WWOX: variants seen among roughly 807,000 people sequenced by gnomAD.
WWOX encodes WW domain-containing oxidoreductase.
A neutral mutation model predicts 46.2 loss-of-function variants in WWOX; 69 were observed. The ratio of observed to expected loss-of-function variants is 1.49; its 90% CI spans 1.23 to 1.82. The LOEUF (loss-of-function observed/expected upper bound fraction) is 1.82. Among genes scored for constraint, WWOX ranks in the 40% most tolerant of loss-of-function variants. The pLI, the probability that WWOX is intolerant of heterozygous loss-of-function variation, is 0.00. For synonymous variants in WWOX, 359 were observed against 202.6 expected (o/e 1.77, Z -6.56); for missense variants, 919 against 542.6 (o/e 1.69, Z -6.89).
chr16:78,832,089 G>A (rs1046798988), intron 8 of WWOX, among the ~76,000 whole-genome samples: 1 of 152,182 alleles, frequency 6.6e-6, no homozygotes, highest in Admixed American at 6.5e-5. Context: ...TCAGGAATTA[G>A]GGAGTGGCTT....
At chr16:78,756,911 G>C (rs1567539547) in intron 8 of WWOX, 2 of 703,000 alleles carry the variant, frequency 2.8e-6, no homozygotes, top group Non-Finnish European at 2.6e-6. Flanking sequence ...TGAGGCTTCT[G>C]CCTTACTGAT....
chr16:78,501,039 T>C lies in WWOX; in HGVS notation c.1056+68287T>C, dbSNP rs1597173589. On this transcript the variant is annotated intron_variant, in intron 8 of 8. Coordinates refer to ENST00000566780, the MANE Select transcript of WWOX (RefSeq NM_016373.4). ...GGGTGCAGGTGGAGGAGGCTATTAT[T>C]CTTAGGCATTTAACAGTGAAGAATG... Among the ~76,000 whole-genome samples the C allele has an allele frequency of 5.3e-5, 8 of 152,206 alleles. 1 individual carries two copies.
intron 8 of WWOX, among the ~76,000 whole-genome samples, chr16:78,990,612 A>G (rs76924845): frequency 1.3e-5 from 2 of 152,298 alleles, no homozygotes; most frequent in South Asian, 4.1e-4. Flanking sequence ...AAGATGGTAG[A>G]GCGAACAGGC....
chr16:78,580,493 G>C (rs765921824), intron 8 of WWOX, among the ~76,000 whole-genome samples: 7 of 152,196 alleles, frequency 4.6e-5, no homozygotes, highest in Non-Finnish European at 7.3e-5. Flanking sequence ...ACTCCTGGCA[G>C]ATGCCCAGAG....
intron 8 of WWOX, among the ~76,000 whole-genome samples, chr16:78,834,004 T>G (rs1278771563): frequency 6.6e-6 from 1 of 151,802 alleles, no homozygotes; most frequent in Non-Finnish European, 1.5e-5. Context: ...ATTTGGAACA[T>G]TTCAGCTGAA....
At chr16:78,829,153 C>CAGACAGATAGCT (rs2051744069) in intron 8 of WWOX, among the ~76,000 whole-genome samples, 1 of 151,952 alleles carries the variant, frequency 6.6e-6, no homozygotes, top group Non-Finnish European at 1.5e-5. Flanking sequence ...GACAGATAGG[C>CAGACAGATAGCT]AGACAGATAG....
At chr16:78,588,715 G>C (rs1286649844) in intron 8 of WWOX, among the ~76,000 whole-genome samples, 1 of 152,158 alleles carries the variant, frequency 6.6e-6, no homozygotes, top group Non-Finnish European at 1.5e-5. Flanking sequence ...TCTGCTAAGA[G>C]TATGTCACTT....
intron 8 of WWOX, among the ~76,000 whole-genome samples, chr16:78,510,272 C>A (rs1390171320): frequency 6.6e-6 from 1 of 152,166 alleles, no homozygotes; most frequent in East Asian, 1.9e-4. Context: ...GTGGCGCGAT[C>A]TCCACTCACC....
intron 8 of WWOX, among the ~76,000 whole-genome samples, chr16:79,112,881 T>A (rs949804716): frequency 1.3e-5 from 2 of 152,278 alleles, no homozygotes; most frequent in Non-Finnish European, 1.5e-5. Flanking sequence ...CAAACTCAAG[T>A]CTTGGACAGT....
Position 78,343,915 on chromosome 16 carries a change from G to T in WWOX, c.517-42945G>T, listed in dbSNP as rs796966918. 1.1e-4 allele frequency among the ~76,000 whole-genome samples: 13 copies of T among 120,276 alleles called. 2 individuals carry two copies. The highest frequency in any genetic ancestry group is 3.4e-4 in the African/African-American group (12 of 35,476). 78.9% of individuals were successfully genotyped at this position (120,276 alleles called of 152,430 possible). On this transcript the variant is annotated intron_variant, in intron 5 of 8. Transcript: ENST00000566780. ...ATGATGACAATGACGATGACCCTTG[G>T]TTGGAGCAATGTAGTCTAAATGTGG...
At chr16:78,267,067 C>G (rs1425904971) in intron 5 of WWOX, 1 of 162,830 alleles carries the variant, frequency 6.1e-6, no homozygotes, top group Non-Finnish European at 1.3e-5. Context: ...TCTCTTGCCA[C>G]CAGCATGTAA....
chr16:78,856,079 T>C (rs1407272799), intron 8 of WWOX, among the ~76,000 whole-genome samples: 1 of 152,118 alleles, frequency 6.6e-6, no homozygotes, highest in Non-Finnish European at 1.5e-5. Flanking sequence ...AAGACAAATA[T>C]GAGTATCCAG....
chr16:78,337,358 A>G (rs894673207), intron 5 of WWOX, among the ~76,000 whole-genome samples: 4 of 152,168 alleles, frequency 2.6e-5, no homozygotes, highest in African/African-American at 7.2e-5. Flanking sequence ...ACCGATCGCA[A>G]TTGAGCATAT....
At chr16:78,654,165 G>T (rs2047028602) in intron 8 of WWOX, among the ~76,000 whole-genome samples, 1 of 152,244 alleles carries the variant, frequency 6.6e-6, no homozygotes, top group South Asian at 2.1e-4. Context: ...ATCAGAAAGT[G>T]TGAGTTCAAA....
At chr16:78,741,289 G>C (rs998844555) in intron 8 of WWOX, among the ~76,000 whole-genome samples, 1 of 152,180 alleles carries the variant, frequency 6.6e-6, no homozygotes, top group African/African-American at 2.4e-5. Flanking sequence ...GGTCAGGCGC[G>C]GTGGCTCACG....
intron 8 of WWOX, among the ~76,000 whole-genome samples, chr16:78,884,524 C>T (rs558277228): frequency 1.3e-5 from 2 of 152,048 alleles, no homozygotes; most frequent in Non-Finnish European, 2.9e-5. Flanking sequence ...GAATGAATGA[C>T]TTAGAACTAA....
intron 8 of WWOX, among the ~76,000 whole-genome samples, chr16:78,791,859 G>T (rs184423165): frequency 2.0e-5 from 3 of 152,096 alleles, no homozygotes; most frequent in African/African-American, 7.2e-5. Flanking sequence ...CAGCCTGGGC[G>T]ACAGTGAAAC....
At chr16:79,077,969 C>G (rs918693363) in intron 8 of WWOX, 1 of 152,088 alleles carries the variant, frequency 6.6e-6, no homozygotes, top group African/African-American at 2.4e-5. Flanking sequence ...AAACTCTGTT[C>G]CTACCTGCTC....
At chr16:78,731,558 T>C (rs2048969288) in intron 8 of WWOX, among the ~76,000 whole-genome samples, 1 of 152,136 alleles carries the variant, frequency 6.6e-6, no homozygotes, top group African/African-American at 2.4e-5. Context: ...TTTCTTACCT[T>C]CTTTATTTCC....
Sources: allele counts gnomAD v4.1 joint callset (sites outside exome capture counted in the v4.1 genomes callset), GRCh38; gene constraint gnomAD v4.1.1; transcripts MANE v1.5; gene names NCBI Gene and HGNC (gene_info 2026-07-23, HGNC 2026-07-21).